The following GNAT3 variants were observed in gnomAD, a reference collection of about 807,000 sequenced individuals.
GNAT3 encodes G protein subunit alpha transducin 3.
A neutral mutation model predicts 37.7 loss-of-function variants in GNAT3; 31 were observed. The ratio of observed to expected loss-of-function variants is 0.82; its 90% confidence interval spans 0.62 to 1.11. The LOEUF (loss-of-function observed/expected upper bound fraction) is 1.11. GNAT3 is among the 50% of genes most tolerant of loss of function. The pLI is 0.00. For synonymous variants in GNAT3, 138 were observed against 139.8 expected (o/e 0.99, Z 0.09); for missense variants, 437 against 412.5 (o/e 1.06, Z -0.51).
At chr7:80,503,146 C>T (rs1790868357) in intron 1 of GNAT3, among the ~76,000 whole-genome samples, 1 of 152,044 alleles carries the variant, frequency 6.6e-6, no homozygotes, top group Admixed American at 6.6e-5. Context: ...AATAAAATTC[C>T]TATGCAATAA....
At chr7:80,463,027 A>G (rs1381419345) in intron 5 of GNAT3, among the ~76,000 whole-genome samples, 2 of 152,050 alleles carry the variant, frequency 1.3e-5, no homozygotes, top group Non-Finnish European at 2.9e-5. Context: ...ATTCTTGCCT[A>G]TTTTCTTAAG....
At chr7:80,497,722 G>A (rs1790760751) in intron 1 of GNAT3, among the ~76,000 whole-genome samples, 1 of 151,506 alleles carries the variant, frequency 6.6e-6, no homozygotes, top group Non-Finnish European at 1.5e-5. Context: ...TGGGGATGTG[G>A]AAGAAAAGTC....
chr7:80,489,378 C>T (rs918701146), intron 2 of GNAT3, among the ~76,000 whole-genome samples: 2 of 152,014 alleles, frequency 1.3e-5, no homozygotes, highest in African/African-American at 4.8e-5. Context: ...ATGCCAGTTA[C>T]GTATTTTTGC....
intron 3 of GNAT3, among the ~76,000 whole-genome samples, chr7:80,483,480 G>C (rs188660291): frequency 1.3e-5 from 2 of 151,872 alleles, no homozygotes; most frequent in South Asian, 4.2e-4. Context: ...CAAACTGATC[G>C]AACACTTAAC....
At chr7:80,499,534 C>A (rs1790795308) in intron 1 of GNAT3, among the ~76,000 whole-genome samples, 1 of 152,080 alleles carries the variant, frequency 6.6e-6, no homozygotes, top group Non-Finnish European at 1.5e-5. Context: ...AAGCATGAGC[C>A]CCTACACCTG....
intron 1 of GNAT3, among the ~76,000 whole-genome samples, chr7:80,501,905 C>G (rs1790840633): frequency 6.6e-6 from 1 of 151,934 alleles, no homozygotes; most frequent in Admixed American, 6.6e-5. Context: ...CTGTAAAATT[C>G]CTCATCAGCC....
chr7:80,496,835 C>A (rs941772050), intron 1 of GNAT3, among the ~76,000 whole-genome samples: 2 of 150,276 alleles, frequency 1.3e-5, no homozygotes, highest in Non-Finnish European at 3.0e-5. Flanking sequence ...AAATTTAGTT[C>A]TATTCAGGAC....
intron 4 of GNAT3, among the ~76,000 whole-genome samples, chr7:80,474,776 C>T (rs1248186453): frequency 3.3e-5 from 5 of 152,086 alleles, no homozygotes; most frequent in Admixed American, 3.3e-4. Context: ...AAGAAAATTT[C>T]TCTTTATAGT....
rs969099154 is a variant in GNAT3, at chr7:80,500,323, C to T, written c.119-5676G>A. ...ACCAAACAGATCCTCCCACAAACCA[C>T]GTGTATCTAATTGATTTTGAACCTC... On this transcript the variant is annotated intron_variant, in intron 1 of 7. Transcript: ENST00000398291. Among the ~76,000 whole-genome samples, 5 of 151,850 alleles carry T rather than the reference C, an allele frequency of 3.3e-5. 1 individual carries two copies. The highest frequency in any genetic ancestry group is 4.2e-4 in the South Asian group (2 of 4,808).
intron 1 of GNAT3, among the ~76,000 whole-genome samples, chr7:80,505,523 C>T (rs535821709): frequency 9.9e-5 from 15 of 152,234 alleles, no homozygotes; most frequent in Admixed American, 3.3e-4. Flanking sequence ...CCCGCCAACA[C>T]GCCCGGCTAA....
chr7:80,458,700 C>T lies in GNAT3; in HGVS notation c.1036G>A (p.Glu346Lys). ...FDAVTDIIIK[E>K]NLKDCGLF is the part of the protein sequence containing the mutation. ...AAAAGCCCACAGTCTTTTAGATTCT[C>T]TTTGATTATTATATCTGTAACTGCG... The change falls in exon 8 of 8, where the codon GAG (glutamate) becomes AAG (lysine). Residue 346 changes from glutamate (E) to lysine (K), a missense_variant. Coordinates refer to ENST00000398291, the MANE Select transcript of GNAT3 (RefSeq NM_001102386.3). The T allele has an allele frequency of 1.9e-6, 3 of 1,583,316 alleles. No individual in the cohort carries two copies. Among genetic ancestry groups the T allele is most frequent in the South Asian group, 2.3e-5 (2 of 85,180 alleles).
intron 5 of GNAT3, among the ~76,000 whole-genome samples, chr7:80,472,033 C>T (rs1790229797): frequency 6.6e-6 from 1 of 152,054 alleles, no homozygotes; most frequent in Middle Eastern, 3.2e-3. Flanking sequence ...TATAAATAGA[C>T]ATGGCCCCTA....
chr7:80,509,171 G>C (rs1791008579), intron 1 of GNAT3, among the ~76,000 whole-genome samples: 1 of 152,044 alleles, frequency 6.6e-6, no homozygotes, highest in African/African-American at 2.4e-5. Context: ...ATGTCTTAAT[G>C]AGGTCAAATT....
chr7:80,493,643 CTCCTCCTCCTCTT>C (rs1790642380), intron 2 of GNAT3, among the ~76,000 whole-genome samples: 1 of 105,672 alleles, frequency 9.5e-6, no homozygotes, highest in Non-Finnish European at 1.9e-5. Flanking sequence ...CTCTTTCCTC[CTCCTCCTCCTCTT>C]TCCTCCTCCT....
At chr7:80,462,789 G>T (rs1790073454) in intron 5 of GNAT3, among the ~76,000 whole-genome samples, 158 bp from the exon 6 acceptor site, 1 of 152,030 alleles carries the variant, frequency 6.6e-6, no homozygotes, top group African/African-American at 2.4e-5. Context: ...TGGTCAAATG[G>T]CTGCTCAAGG....
intron 2 of GNAT3, among the ~76,000 whole-genome samples, chr7:80,493,623 CTTCCTCCTCCTCT>C (rs1243306225): frequency 1.4e-4 from 14 of 103,632 alleles, no homozygotes; most frequent in African/African-American, 6.9e-4. Flanking sequence ...CCTCTTTCCT[CTTCCTCCTCCTCT>C]TTCCTCCTCC....
intron 5 of GNAT3, among the ~76,000 whole-genome samples, chr7:80,473,248 C>T (rs969888341): frequency 6.6e-6 from 1 of 152,014 alleles, no homozygotes. Flanking sequence ...ATTTGTGGGC[C>T]TAAAATTTAG....
chr7:80,494,306 G>A (rs922711006), intron 2 of GNAT3, among the ~76,000 whole-genome samples: 4 of 152,200 alleles, frequency 2.6e-5, no homozygotes, highest in South Asian at 2.1e-4. Flanking sequence ...AATATTTACC[G>A]TTAATGATCA....
At chr7:80,470,216 G>C (rs1790187613) in intron 5 of GNAT3, among the ~76,000 whole-genome samples, 1 of 151,622 alleles carries the variant, frequency 6.6e-6, no homozygotes, top group Non-Finnish European at 1.5e-5. Flanking sequence ...TAAAGAGAAT[G>C]TTCTTTTTTT....
Sources: gnomAD v4.1 joint callset for allele counts (sites outside exome capture counted in the v4.1 genomes callset) on GRCh38, gnomAD v4.1.1 for gene constraint, MANE v1.5 for transcripts, NCBI Gene and HGNC (gene_info 2026-07-23, HGNC 2026-07-21) for gene names.